The following PLAGL2 variants were observed in gnomAD, a reference collection of about 807,000 sequenced individuals.
PLAGL2 encodes PLAG1 like zinc finger 2.
PLAGL2 carries 7 observed loss-of-function variants against 29.0 expected under a neutral mutation model. The ratio of observed to expected loss-of-function variants is 0.24; its 90% confidence interval spans 0.14 to 0.45. The LOEUF (loss-of-function observed/expected upper bound fraction) is 0.45. PLAGL2 is among the 20% of genes least tolerant of loss of function. The probability of loss-of-function intolerance (pLI) is 0.99; values close to 1 mark genes in which losing one functional copy is unlikely to be tolerated. For missense variants in PLAGL2, 454 were observed against 648.2 expected (o/e 0.70, Z 3.25); for synonymous variants, 234 against 266.0 (o/e 0.88, Z 1.17).
chr20:32,207,368 G>A (rs1030706979), intron 1 of PLAGL2, among the ~76,000 whole-genome samples: 1 of 152,140 alleles, frequency 6.6e-6, no homozygotes, highest in Admixed American at 6.5e-5. Flanking sequence ...GGGACCCTCA[G>A]GACTGCGTCT....
At position 32,202,277 on chromosome 20, in the gene PLAGL2, A is replaced by T; in HGVS notation, c.-99T>A. 8.2e-7 allele frequency: 1 copy of T among 1,224,478 alleles called. No homozygotes were observed. The allele number at this position is 1,224,478 out of a possible 1,614,324, so 75.9% of individuals were successfully genotyped here. ...TCACAGCCTCCAACGCAGCTTTCAG[A>T]AAACAATCTCTTCACCTGAAACATC... On this transcript the variant is annotated 5_prime_UTR_variant, in exon 2 of 3. Transcript: ENST00000246229.
Position 32,196,051 on chromosome 20 carries a change from C to CAGA in PLAGL2, c.*398_*400dup, listed in dbSNP as rs1400609794. 1 of 155,180 alleles carries CAGA rather than the reference C, an allele frequency of 6.4e-6. No homozygotes were observed. The highest frequency in any genetic ancestry group is 6.5e-5 in the Admixed American group (1 of 15,342). 9.6% of individuals were successfully genotyped at this position (155,180 alleles called of 1,614,324 possible). A position where few individuals can be genotyped will look rare whatever the true frequency, so the allele number is the denominator to read the frequency against. ...TGCTGTGGGGTCTGCAGGTTGGGAC[C>CAGA]AGAAGGTGGGCTTCTTGGGCAATTT... On this transcript the variant is annotated 3_prime_UTR_variant, in exon 3 of 3. Coordinates refer to ENST00000246229, the MANE Select transcript of PLAGL2 (RefSeq NM_002657.3).
Position 32,192,949 on chromosome 20 carries a change from T to C in PLAGL2, c.*3503A>G, listed in dbSNP as rs1055017668. ...CTATGGAGGCACTAGGTTATCATGG[T>C]GAACACCCTTTTCCCTCGCCATAGA... On this transcript the variant is annotated 3_prime_UTR_variant, in exon 3 of 3. Transcript: ENST00000246229. The C allele has an allele frequency of 2.6e-5, 4 of 152,560 alleles. No homozygotes were observed. The highest frequency in any genetic ancestry group is 7.2e-5 in the African/African-American group (3 of 41,418). 9.5% of individuals were successfully genotyped at this position (152,560 alleles called of 1,614,324 possible).
In PLAGL2 at chr20:32,196,268, G is replaced by A; in HGVS notation, c.*184C>T. The A allele has an allele frequency of 2.4e-6, 1 of 409,034 alleles. No individual in the cohort carries two copies. 25.3% of individuals were successfully genotyped at this position (409,034 alleles called of 1,614,324 possible). A position where few individuals can be genotyped will look rare whatever the true frequency, so the allele number is the denominator to read the frequency against. The stretch of plus-strand genomic sequence containing the variant: ...TCTTTTCACGGGGTTGGGGCTCAAG[G>A]CTCCTTCTGGAATCGATCCTAGAGC... On this transcript the variant is annotated 3_prime_UTR_variant, in exon 3 of 3. Transcript: ENST00000246229.
In PLAGL2 at chr20:32,202,199, G is replaced by A. The variant is rs747651330; in HGVS notation, c.-21C>T. ...GTCATGGCAAGGCTAATGGCAAAGG[G>A]CCATGTTATTGAGAAAGCCTCCCCA... On this transcript the variant is annotated 5_prime_UTR_variant, in exon 2 of 3. Coordinates refer to ENST00000246229, the MANE Select transcript of PLAGL2 (RefSeq NM_002657.3). 1.9e-6 allele frequency: 3 copies of A among 1,611,516 alleles called. No homozygotes were observed. In the Admixed American group the frequency reaches 5.0e-5, roughly 27 times the overall value.
In PLAGL2 at chr20:32,194,082, G is replaced by C. The variant is rs1287553177; in HGVS notation, c.*2370C>G. The C allele has an allele frequency of 6.6e-6, 1 of 152,644 alleles. No individual in the cohort carries two copies. The highest frequency in any genetic ancestry group is 2.4e-5 in the African/African-American group (1 of 41,450). The allele number at this position is 152,644 out of a possible 1,614,324, so 9.5% of individuals were successfully genotyped here. ...TGACTTTTCCAGCATCACTTACGGG[G>C]AGAGAGAATTCGAGGGAGGGACAGG... On this transcript the variant is annotated 3_prime_UTR_variant, in exon 3 of 3. Transcript: ENST00000246229.
In PLAGL2 at chr20:32,194,566, A is replaced by C. The variant is rs2047218133; in HGVS notation, c.*1886T>G. The C allele has an allele frequency of 6.6e-6, 1 of 152,642 alleles. No homozygotes were observed. Among genetic ancestry groups the C allele is most frequent in the African/African-American group, 2.4e-5 (1 of 41,446 alleles). The allele number at this position is 152,642 out of a possible 1,614,324, so 9.5% of individuals were successfully genotyped here. ...CTTCTAATCAAGAGCTAGGGAGCTA[A>C]ATTTTAAGGCTTTTACCTCAAACAA... On this transcript the variant is annotated 3_prime_UTR_variant, in exon 3 of 3. Transcript: ENST00000246229.
Position 32,201,973 on chromosome 20 carries a change from C to T in PLAGL2, c.206G>A (p.Ser69Asn). 1 of 1,614,034 alleles carries T rather than the reference C, an allele frequency of 6.2e-7. No homozygotes were observed. The highest frequency in any genetic ancestry group is 8.5e-7 in the Non-Finnish European group (1 of 1,179,848). ...CTTGCCACAGTGCAGCTGAGGGCAG[C>T]TATATGGTCTCTGCTCTGGTTGCGG... Reference protein sequence around the residue: ...SLPQPEQRPYSCPQLHCGKAF... With the variant: ...SLPQPEQRPYNCPQLHCGKAF... Residue 69 changes from serine (S) to asparagine (N), a missense_variant, in exon 2 of 3, where the codon AGC becomes AAC. By Grantham distance (46) the Ser-to-Asn change is conservative. Transcript: ENST00000246229.
intron 2 of PLAGL2, 118 bp downstream of exon 2, chr20:32,201,801 T>C (rs1257772750): frequency 5.1e-6 from 4 of 780,832 alleles, no homozygotes; most frequent in Non-Finnish European, 8.2e-6. Flanking sequence ...GGTATACTTG[T>C]AGGACAAATT....
rs567152091 is a variant in PLAGL2, at chr20:32,202,228, G to A, written c.-50C>T. 1.6e-5 allele frequency: 26 copies of A among 1,587,554 alleles called. No homozygotes were observed. In the South Asian group the frequency reaches 2.2e-4, roughly 14 times the overall value. On this transcript the variant is annotated 5_prime_UTR_variant, in exon 2 of 3. Coordinates refer to ENST00000246229, the MANE Select transcript of PLAGL2 (RefSeq NM_002657.3). ...TGTTATTGAGAAAGCCTCCCCATCC[G>A]CTCCACACAGGCTCTCAGCTCTGTC...
chr20:32,194,137 C>CT lies in PLAGL2; in HGVS notation c.*2314dup, dbSNP rs2047215995. On this transcript the variant is annotated 3_prime_UTR_variant, in exon 3 of 3. Coordinates refer to ENST00000246229, the MANE Select transcript of PLAGL2 (RefSeq NM_002657.3). The stretch of plus-strand genomic sequence containing the variant: ...GGCAGGCAGAGAGGAAAGGACTCCT[C>CT]TAACAGCCCGGGACTTTGTATTCTG... 6.6e-6 allele frequency: 1 copy of CT among 152,302 alleles called. No homozygotes were observed. Among genetic ancestry groups the CT allele is most frequent in the Non-Finnish European group, 1.5e-5 (1 of 68,078 alleles). The allele number at this position is 152,302 out of a possible 1,614,324, so 9.4% of individuals were successfully genotyped here.
chr20:32,198,850 A>T (rs921070303), intron 2 of PLAGL2, among the ~76,000 whole-genome samples: 2 of 152,210 alleles, frequency 1.3e-5, no homozygotes, highest in Non-Finnish European at 2.9e-5. Flanking sequence ...GAGTGTGAGG[A>T]TCATTCATTC....
At chr20:32,204,254 A>G (rs1334697430) in intron 1 of PLAGL2, among the ~76,000 whole-genome samples, 1 of 152,210 alleles carries the variant, frequency 6.6e-6, no homozygotes, top group Non-Finnish European at 1.5e-5. Context: ...AACAAGTCAC[A>G]TCAATTTGGC....
chr20:32,197,530 G>A lies in PLAGL2; in HGVS notation c.413C>T (p.Thr138Met), dbSNP rs1456273149. The A allele has an allele frequency of 1.9e-6, 3 of 1,614,074 alleles. No individual in the cohort carries two copies. Among genetic ancestry groups the A allele is most frequent in the African/African-American group, 2.7e-5 (2 of 74,932 alleles). ...HCSECGKNYN[T>M]KLGYRRHLAM... ...CAGGTGGCGCCGGTAGCCCAGCTTC[G>A]TATTGTAATTCTTACCGCACTCAGA... Residue 138 changes from threonine to methionine, a missense_variant, in exon 3 of 3, where the codon ACG (threonine) becomes ATG (methionine). Thr to Met is a moderately conservative substitution (Grantham distance 81). Around this residue, in one of 4 missense-constraint regions of PLAGL2, gnomAD observed 111 missense variants for 173.1 expected, o/e 0.64. Transcript: ENST00000246229. This position sits in a 1 kb window ranked among gnomAD's most constrained non-coding sequence, Gnocchi z 6.6.
chr20:32,203,133 C>T (rs1356302565), intron 1 of PLAGL2, among the ~76,000 whole-genome samples: 1 of 152,198 alleles, frequency 6.6e-6, no homozygotes, highest in Non-Finnish European at 1.5e-5. Context: ...CTCCACCAGC[C>T]TGATTGTCTG....
chr20:32,201,733 C>A (rs2047260508), intron 2 of PLAGL2, among the ~76,000 whole-genome samples, 186 bp downstream of exon 2: 1 of 152,244 alleles, frequency 6.6e-6, no homozygotes, highest in African/African-American at 2.4e-5. Context: ...ATTCTAGTGT[C>A]TGAATCAAGC....
intron 2 of PLAGL2, among the ~76,000 whole-genome samples, chr20:32,199,714 C>T (rs2047249186): frequency 6.6e-6 from 1 of 152,122 alleles, no homozygotes; most frequent in Non-Finnish European, 1.5e-5. Flanking sequence ...GTGGTACATG[C>T]CTGTGATCCT....
At position 32,201,907 on chromosome 20, in the gene PLAGL2, A is replaced by AAG; in HGVS notation, c.260+11_260+12insCT. 2 of 1,607,278 alleles carry AAG rather than the reference A, an allele frequency of 1.2e-6. No individual in the cohort carries two copies. Among genetic ancestry groups the AAG allele is most frequent in the Non-Finnish European group, 1.7e-6 (2 of 1,174,730 alleles). On this transcript the variant is annotated intron_variant, in intron 2 of 2. Transcript: ENST00000246229. ...ACCTCAGGGCAGGAAGAGATATGAG[A>AAG]GTGTCACCTACCTATACAGCTTGTA...
rs2047297497 is a variant in PLAGL2, at chr20:32,207,672, C to G, written c.-146G>C. 1 of 206,780 alleles carries G rather than the reference C, an allele frequency of 4.8e-6. No homozygotes were observed. The highest frequency in any genetic ancestry group is 1.3e-4 in the East Asian group (1 of 7,774). The allele number at this position is 206,780 out of a possible 1,614,324, so 12.8% of individuals were successfully genotyped here. On this transcript the variant is annotated 5_prime_UTR_variant, in exon 1 of 3. Transcript: ENST00000246229. Reference sequence around the variant, plus strand: ...CGGGGCCCCACGCTGCGGGCCGGGCCGCGCTCGGGCTCCGCCAGGCCCCCT... The same window carrying G: ...CGGGGCCCCACGCTGCGGGCCGGGCGGCGCTCGGGCTCCGCCAGGCCCCCT...
Sources: allele counts gnomAD v4.1 joint callset (sites outside exome capture counted in the v4.1 genomes callset), GRCh38; gene constraint gnomAD v4.1.1; regional missense constraint gnomAD v4.1.1; non-coding constraint Gnocchi (gnomAD v3.1); transcripts MANE v1.5; gene names NCBI Gene and HGNC (gene_info 2026-07-23, HGNC 2026-07-21).